FFAR2: variants seen among roughly 807,000 people sequenced by gnomAD.
The protein encoded by FFAR2 is G-protein coupled receptor 43.
For synonymous variants in FFAR2, 193 were observed against 189.9 expected (o/e 1.02, Z -0.13); for missense variants, 421 against 428.9 (o/e 0.98, Z 0.16).
chr19:35,449,818 G>C lies in FFAR2; in HGVS notation c.104G>C (p.Arg35Pro), dbSNP rs142877692. ...CTGGCCCTGCGGGCCTTTGTGGGGC[G>C]GATCCGCCAGCCCCAGCCTGCACCT... Reference protein sequence around the residue: ...NLLALRAFVGRIRQPQPAPVH... With the variant: ...NLLALRAFVGPIRQPQPAPVH... The change falls in exon 2 of 2, where the codon CGG (arginine) becomes CCG (proline). Residue 35 changes from arginine (R) to proline (P), a missense_variant. Physicochemically the swap from Arg to Pro is moderately radical, Grantham distance 103. Transcript: ENST00000599180. The C allele has an allele frequency of 1.9e-6, 3 of 1,613,538 alleles. No individual in the cohort carries two copies. In the African/African-American group the frequency reaches 4.0e-5, roughly 22 times the overall value.
In FFAR2 at chr19:35,450,316, G is replaced by T. The variant is rs780784883; in HGVS notation, c.602G>T (p.Arg201Leu). ...GCAGTCACCATCTTCTGCTACTGGCGTTTTGTGTGGATCATGCTCTCCCAG... is the reference window on the plus strand; with the variant it reads ...GCAGTCACCATCTTCTGCTACTGGCTTTTTGTGTGGATCATGCTCTCCCAG... The part of the protein sequence containing the change: ...PMAVTIFCYW[R>L]FVWIMLSQPL... Residue 201 changes from arginine (R) to leucine (L), a missense_variant, in exon 2 of 2, where the codon CGT (arginine) becomes CTT (leucine). Arg to Leu is a moderately radical substitution (Grantham distance 102). Coordinates refer to ENST00000599180, the MANE Select transcript of FFAR2 (RefSeq NM_001370087.1). 6.2e-7 allele frequency: 1 copy of T among 1,614,108 alleles called. No individual in the cohort carries two copies. Among genetic ancestry groups the T allele is most frequent in the African/African-American group, 1.3e-5 (1 of 74,932 alleles).
Position 35,449,714 on chromosome 19 carries a change from G to T in FFAR2, c.-1G>T. 1 of 1,540,360 alleles carries T rather than the reference G, an allele frequency of 6.5e-7. No homozygotes were observed. The highest frequency in any genetic ancestry group is 8.7e-7 in the Non-Finnish European group (1 of 1,144,420). On this transcript the variant is annotated splice_region_variant and 5_prime_UTR_variant, in exon 2 of 2. Coordinates refer to ENST00000599180, the MANE Select transcript of FFAR2 (RefSeq NM_001370087.1). ...CCCGCCCTTTTTTGTTCCCCTCCAG[G>T]ATGCTGCCGGACTGGAAGAGCTCCT...
Position 35,450,394 on chromosome 19 carries a change from C to G in FFAR2, c.680C>G (p.Thr227Arg). ...RRRAVGLAVV[T>R]LLNFLVCFGP... ...CGAGCCGTGGGGCTGGCTGTGGTGA[C>G]GCTGCTCAATTTCCTGGTGTGCTTC... Residue 227 changes from threonine (T) to arginine (R), a missense_variant, in exon 2 of 2, where the codon ACG becomes AGG. Coordinates refer to ENST00000599180, the MANE Select transcript of FFAR2 (RefSeq NM_001370087.1). 6.2e-7 allele frequency: 1 copy of G among 1,614,232 alleles called. No homozygotes were observed. The highest frequency in any genetic ancestry group is 8.5e-7 in the Non-Finnish European group (1 of 1,180,052).
In FFAR2 at chr19:35,449,752, C is replaced by T. The variant is rs933592562; in HGVS notation, c.38C>T (p.Ala13Val). 15 of 1,586,466 alleles carry T rather than the reference C, an allele frequency of 9.5e-6. No homozygotes were observed. The highest frequency in any genetic ancestry group is 1.2e-5 in the Non-Finnish European group (14 of 1,167,854). The stretch of plus-strand genomic sequence containing the variant: ...TGGAAGAGCTCCTTGATCCTCATGG[C>T]TTACATCATCATCTTCCTCACTGGC... ...PDWKSSLILM[A>V]YIIIFLTGLP... is the part of the protein sequence containing the mutation. Residue 13 changes from alanine (A) to valine (V), a missense_variant, in exon 2 of 2, where the codon GCT (alanine) becomes GTT (valine). Transcript: ENST00000599180.
chr19:35,450,150 A>G lies in FFAR2; in HGVS notation c.436A>G (p.Ile146Val). 1 of 1,614,206 alleles carries G rather than the reference A, an allele frequency of 6.2e-7. No homozygotes were observed. Among genetic ancestry groups the G allele is most frequent in the Non-Finnish European group, 8.5e-7 (1 of 1,180,038 alleles). ...MSFGHCTIVI[I>V]VQYLNTTEQV... The stretch of plus-strand genomic sequence containing the variant: ...CTTTGGTCACTGCACCATCGTGATC[A>G]TCGTTCAATACTTGAACACGACTGA... The change falls in exon 2 of 2, where the codon ATC (isoleucine) becomes GTC (valine). Residue 146 changes from isoleucine (I) to valine (V), a missense_variant. Transcript: ENST00000599180.
In FFAR2 at chr19:35,449,903, C is replaced by T; in HGVS notation, c.189C>T (p.Pro63=). ...LADLLLLLLL[P]FKIIEAASNF... is the part of the protein sequence containing the mutation. ...ACCTCCTCCTGCTGCTGCTGCTGCC[C>T]TTCAAGATCATCGAGGCTGCGTCGA... Residue 63 remains proline (P), a synonymous_variant, in exon 2 of 2, where the codon CCC becomes CCT. Coordinates refer to ENST00000599180, the MANE Select transcript of FFAR2 (RefSeq NM_001370087.1). 1 of 1,613,152 alleles carries T rather than the reference C, an allele frequency of 6.2e-7. No homozygotes were observed. Among genetic ancestry groups the T allele is most frequent in the South Asian group, 1.1e-5 (1 of 91,086 alleles).
chr19:35,449,647 A>G (rs1478096413), intron 1 of FFAR2, 67 bp from the exon 2 acceptor site: 3 of 1,494,320 alleles, frequency 2.0e-6, no homozygotes, highest in Non-Finnish European at 2.7e-6. Flanking sequence ...CGCATCCTGA[A>G]GGAGAGCTGG....
chr19:35,450,943 C>T lies in FFAR2; in HGVS notation c.*236C>T, dbSNP rs1214793306. 9 of 471,530 alleles carry T rather than the reference C, an allele frequency of 1.9e-5. No homozygotes were observed. The highest frequency in any genetic ancestry group is 1.1e-4 in the East Asian group (3 of 27,700). The allele number at this position is 471,530 out of a possible 1,614,324, so 29.2% of individuals were successfully genotyped here. ...AGTAGTTAGGTATAGAAGCACCTGC[C>T]GGGTGTGGTGGCTCATGCCTATAAT... is the stretch of plus-strand genomic sequence containing the variant. On this transcript the variant is annotated 3_prime_UTR_variant, in exon 2 of 2. Transcript: ENST00000599180.
At position 35,451,052 on chromosome 19, in the gene FFAR2, T is replaced by C. The variant is rs1326670254; in HGVS notation, c.*345T>C. 4.7e-6 allele frequency: 1 copy of C among 210,932 alleles called. No homozygotes were observed. Among genetic ancestry groups the C allele is most frequent in the African/African-American group, 2.3e-5 (1 of 42,782 alleles). The allele number at this position is 210,932 out of a possible 1,614,324, so 13.1% of individuals were successfully genotyped here. On this transcript the variant is annotated 3_prime_UTR_variant, in exon 2 of 2. Coordinates refer to ENST00000599180, the MANE Select transcript of FFAR2 (RefSeq NM_001370087.1). ...TCCTGGTCAACATGGGAAAACCCCG[T>C]CTCTACTAAAAATACAAAAAAATTA...
At chr19:35,449,602 A>T in intron 1 of FFAR2, 112 bp from the exon 2 acceptor site, 1 of 1,143,500 alleles carries the variant, frequency 8.7e-7, no homozygotes, top group Non-Finnish European at 1.2e-6. Flanking sequence ...CAGAAAGCAC[A>T]GTCCTGGGAA....
Position 35,450,535 on chromosome 19 carries a change from A to ATTTCTCTTC in FFAR2, c.824_832dup (p.Phe275_Ser277dup). ...GCCAGTCTGGACCCCCTGCTCTTCT[A>ATTTCTCTTC]TTTCTCTTCTTCAGTGGTGCGCAGG... is the stretch of plus-strand genomic sequence containing the variant. On this transcript the variant is annotated inframe_insertion, in exon 2 of 2. Coordinates refer to ENST00000599180, the MANE Select transcript of FFAR2 (RefSeq NM_001370087.1). The ATTTCTCTTC allele has an allele frequency of 6.2e-7, 1 of 1,613,784 alleles. No homozygotes were observed. Among genetic ancestry groups the ATTTCTCTTC allele is most frequent in the Non-Finnish European group, 8.5e-7 (1 of 1,179,820 alleles).
At position 35,448,963 on chromosome 19, in the gene FFAR2, C is replaced by T. The variant is rs1299523821; in HGVS notation, c.-2+584C>T. ...GATTACAGGTGCCCGCCATATCACCCGGCTAATTTTTTTTTTTTTTAGTGG... is the reference window on the plus strand; with the variant it reads ...GATTACAGGTGCCCGCCATATCACCTGGCTAATTTTTTTTTTTTTTAGTGG... On this transcript the variant is annotated intron_variant, in intron 1 of 1. Transcript: ENST00000599180. 5.3e-5 allele frequency among the ~76,000 whole-genome samples: 8 copies of T among 151,696 alleles called. No individual in the cohort carries two copies. In the East Asian group the frequency reaches 5.8e-4, roughly 11 times the overall value.
chr19:35,450,405 T>A lies in FFAR2; in HGVS notation c.691T>A (p.Phe231Ile). The A allele has an allele frequency of 6.2e-7, 1 of 1,614,242 alleles. No individual in the cohort carries two copies. Among genetic ancestry groups the A allele is most frequent in the Non-Finnish European group, 8.5e-7 (1 of 1,180,036 alleles). The change falls in exon 2 of 2, where the codon TTC becomes ATC. Residue 231 changes from phenylalanine to isoleucine, a missense_variant. Phe to Ile is a conservative substitution (Grantham distance 21). Transcript: ENST00000599180. ...VGLAVVTLLN[F>I]LVCFGPYNVS... ...GCTGGCTGTGGTGACGCTGCTCAAT[T>A]TCCTGGTGTGCTTCGGACCTTACAA...
In FFAR2 at chr19:35,449,801, G is replaced by T; in HGVS notation, c.87G>T (p.Leu29=). 6.2e-7 allele frequency: 1 copy of T among 1,612,976 alleles called. No individual in the cohort carries two copies. The highest frequency in any genetic ancestry group is 8.5e-7 in the Non-Finnish European group (1 of 1,179,520). ...GCCTCCCTGCCAACCTCCTGGCCCT[G>T]CGGGCCTTTGTGGGGCGGATCCGCC... ...LTGLPANLLA[L]RAFVGRIRQP... is the part of the protein sequence containing the mutation. Residue 29 remains leucine (L), a synonymous_variant, in exon 2 of 2, where the codon CTG becomes CTT. Transcript: ENST00000599180.
rs2067375265 is a variant in FFAR2, at chr19:35,450,543, T to C, written c.829T>C (p.Ser277Pro). Reference sequence around the variant, plus strand: ...GGACCCCCTGCTCTTCTATTTCTCTTCTTCAGTGGTGCGCAGGGCATTTGG... The same window carrying C: ...GGACCCCCTGCTCTTCTATTTCTCTCCTTCAGTGGTGCGCAGGGCATTTGG... ...SLDPLLFYFS[S>P]SVVRRAFGRG... is the part of the protein sequence containing the mutation. The change falls in exon 2 of 2, where the codon TCT becomes CCT. Residue 277 changes from serine to proline, a missense_variant. Coordinates refer to ENST00000599180, the MANE Select transcript of FFAR2 (RefSeq NM_001370087.1). 6.2e-7 allele frequency: 1 copy of C among 1,614,106 alleles called. No individual in the cohort carries two copies. The highest frequency in any genetic ancestry group is 1.3e-5 in the African/African-American group (1 of 74,942).
rs201874955 is a variant in FFAR2, at chr19:35,450,221, C to T, written c.507C>T (p.Thr169=). Reference sequence around the variant, plus strand: ...AAATTACCTGCTACGAGAACTTCACCGATAACCAGTTGGACGTGGTGCTGC... The same window carrying T: ...AAATTACCTGCTACGAGAACTTCACTGATAACCAGTTGGACGTGGTGCTGC... ...GNEITCYENF[T]DNQLDVVLPV... Residue 169 remains threonine (T), a synonymous_variant, in exon 2 of 2, where the codon ACC becomes ACT. Coordinates refer to ENST00000599180, the MANE Select transcript of FFAR2 (RefSeq NM_001370087.1). 6.2e-6 allele frequency: 10 copies of T among 1,614,178 alleles called. No individual in the cohort carries two copies. Among genetic ancestry groups the T allele is most frequent in the Admixed American group, 3.3e-5 (2 of 60,034 alleles).
In FFAR2 at chr19:35,450,010, T is replaced by C; in HGVS notation, c.296T>C (p.Leu99Pro). 3 of 1,614,194 alleles carry C rather than the reference T, an allele frequency of 1.9e-6. No homozygotes were observed. The highest frequency in any genetic ancestry group is 1.6e-4 in the Middle Eastern group (1 of 6,062). The stretch of plus-strand genomic sequence containing the variant: ...AGCAGCATCTACTGCAGCACGTGGC[T>C]CCTGGCGGGCATCAGCATCGAGCGC... ...FYSSIYCSTWLLAGISIERYL... is the reference protein window; with the variant it reads ...FYSSIYCSTWPLAGISIERYL... Residue 99 changes from leucine (L) to proline (P), a missense_variant, in exon 2 of 2, where the codon CTC becomes CCC. Transcript: ENST00000599180.
intron 1 of FFAR2, 63 bp from the exon 2 acceptor site, chr19:35,449,651 G>C (rs766761314): frequency 5.3e-5 from 79 of 1,502,742 alleles, no homozygotes; most frequent in Non-Finnish European, 6.9e-5. Flanking sequence ...TCCTGAAGGA[G>C]AGCTGGCTGC....
chr19:35,448,807 T>TTTC (rs2067361561), intron 1 of FFAR2, among the ~76,000 whole-genome samples: 1 of 73,568 alleles, frequency 1.4e-5, no homozygotes, highest in African/African-American at 7.6e-5. Flanking sequence ...TTTCTTTTCT[T>TTTC]TTTTTTTTTT....
Sources: gnomAD v4.1 joint callset for allele counts (sites outside exome capture counted in the v4.1 genomes callset) on GRCh38, gnomAD v4.1.1 for gene constraint, MANE v1.5 for transcripts, NCBI Gene and HGNC (gene_info 2026-07-23, HGNC 2026-07-21) for gene names.